The following PLEKHA1 variants were observed in gnomAD, a reference collection of about 807,000 sequenced individuals.
The protein encoded by PLEKHA1 is pleckstrin homology domain-containing family A member 1.
PLEKHA1 carries 34 observed loss-of-function variants against 52.0 expected under a neutral mutation model. The ratio of observed to expected loss-of-function variants is 0.65; its 90% CI spans 0.50 to 0.87. The LOEUF is 0.87. Among genes scored for constraint, PLEKHA1 ranks in the 40% least tolerant of loss-of-function variants. The pLI is 0.00. For missense variants in PLEKHA1, 497 were observed against 504.2 expected (o/e 0.99, Z 0.14); for synonymous variants, 163 against 170.7 (o/e 0.95, Z 0.35).
At chr10:122,437,969 A>T in the PLEKHA1 span, 1 of 152,246 alleles carries the variant, frequency 6.6e-6, no homozygotes, top group East Asian at 1.9e-4. Flanking sequence ...TTCTTAAGAC[A>T]GTGGCTTGGC....
chr10:122,415,937 A>C lies in PLEKHA1; in HGVS notation c.547A>C (p.Thr183Pro), dbSNP rs1370815793. 2.5e-6 allele frequency: 4 copies of C among 1,613,484 alleles called. No individual in the cohort carries two copies. The African/African-American group carries it at 5.3e-5, about 22-fold the overall frequency. The part of the protein sequence containing the change: ...KRSQSHLPYF[T>P]PKPPQDSAVI... ...GTCACAAAGCCATCTTCCTTACTTTACTCCTAAACCACCTCAAGATAGTGC... is the reference window on the plus strand; with the variant it reads ...GTCACAAAGCCATCTTCCTTACTTTCCTCCTAAACCACCTCAAGATAGTGC... The change falls in exon 7 of 12, where the codon ACT becomes CCT. Residue 183 changes from threonine (T) to proline (P), a missense_variant. Thr to Pro is a conservative substitution (Grantham distance 38). Transcript: ENST00000368990.
At chr10:122,404,115 G>T (rs553002412) in intron 4 of PLEKHA1, among the ~76,000 whole-genome samples, 1 of 152,292 alleles carries the variant, frequency 6.6e-6, no homozygotes, top group East Asian at 1.9e-4. Context: ...TAAGGAGGTG[G>T]AATGAGTGAC....
rs370339605 is a variant in PLEKHA1, at chr10:122,427,030, C to T, written c.899C>T (p.Ser300Phe). Residue 300 changes from serine to phenylalanine, a missense_variant and splice_region_variant, in exon 11 of 12, where the codon TCT (serine) becomes TTT (phenylalanine). By Grantham distance (155) the Ser-to-Phe change is radical (BLOSUM62 -2). Coordinates refer to ENST00000368990, the MANE Select transcript of PLEKHA1 (RefSeq NM_001001974.4). Reference protein sequence around the residue: ...AQRGPGRSASSEHPPGPSESK... With the variant: ...AQRGPGRSASFEHPPGPSESK... ...CGGGGTCCCGGCAGATCTGCGTCTT[C>T]TGTAGGTTTCCTGCTCTCTGGGGTG... The T allele has an allele frequency of 6.8e-6, 11 of 1,612,708 alleles. No homozygotes were observed. The highest frequency in any genetic ancestry group is 6.7e-5 in the African/African-American group (5 of 74,996).
At chr10:122,406,479 C>A in intron 4 of PLEKHA1, 97 bp from the exon 5 acceptor site, 1 of 885,168 alleles carries the variant, frequency 1.1e-6, no homozygotes, top group Non-Finnish European at 1.9e-6. Flanking sequence ...CCACGAGAGT[C>A]ACGGTGTTGA....
intron 11 of PLEKHA1, chr10:122,428,276 A>G (rs899330398): frequency 3.7e-5 from 57 of 1,540,298 alleles, no homozygotes; most frequent in Non-Finnish European, 4.6e-5. Flanking sequence ...TGTGTTCCAG[A>G]TGCGGCAGGC....
chr10:122,415,911 G>T lies in PLEKHA1; in HGVS notation c.521G>T (p.Arg174Leu), dbSNP rs200256740. ...AGTATTGACAGAAATAATCTGAAAC[G>T]GTCACAAAGCCATCTTCCTTACTTT... is the stretch of plus-strand genomic sequence containing the variant. ...GESIDRNNLK[R>L]SQSHLPYFTP... is the part of the protein sequence containing the mutation. The change falls in exon 7 of 12, where the codon CGG (arginine) becomes CTG (leucine). Residue 174 changes from arginine (R) to leucine (L), a missense_variant. Transcript: ENST00000368990. 13 of 1,613,006 alleles carry T rather than the reference G, an allele frequency of 8.1e-6. No individual in the cohort carries two copies. The highest frequency in any genetic ancestry group is 1.1e-5 in the Non-Finnish European group (13 of 1,179,388).
rs780423831 is a variant in PLEKHA1, at chr10:122,429,840, C to G, written c.1117C>G (p.Gln373Glu). The G allele has an allele frequency of 1.2e-6, 2 of 1,613,942 alleles. No individual in the cohort carries two copies. Among genetic ancestry groups the G allele is most frequent in the Non-Finnish European group, 1.7e-6 (2 of 1,180,040 alleles). The change falls in exon 12 of 12, where the codon CAA becomes GAA. Residue 373 changes from glutamine to glutamate, a missense_variant. Coordinates refer to ENST00000368990, the MANE Select transcript of PLEKHA1 (RefSeq NM_001001974.4). ...PREPASKVTE[Q>E]ALLRPQSKNG... Reference sequence around the variant, plus strand: ...AGAACCAGCTTCCAAAGTGACTGAACAAGCTCTGTTAAGACCTCAAAGTAA... The same window carrying G: ...AGAACCAGCTTCCAAAGTGACTGAAGAAGCTCTGTTAAGACCTCAAAGTAA...
rs527852904 is a variant in PLEKHA1 at position 122,393,682 on chromosome 10, T to C, written c.141+341T>C. Among the ~76,000 whole-genome samples the C allele has an allele frequency of 3.7e-4, 56 of 152,338 alleles. No homozygotes were observed. In the South Asian group the frequency reaches 0.011, roughly 30 times the overall value. On this transcript the variant is annotated intron_variant, in intron 2 of 11. Coordinates refer to ENST00000368990, the MANE Select transcript of PLEKHA1 (RefSeq NM_001001974.4). The surrounding 1 kb of genome is among the most constrained non-coding windows in gnomAD (Gnocchi z 4.5). ...GTCCCAAAAATAAGAAATACTTTTT[T>C]TGTAACATGTATTTCAAACAACAGC... is the stretch of plus-strand genomic sequence containing the variant.
At chr10:122,421,974 G>A (rs1381675329) in intron 8 of PLEKHA1, 5 of 152,090 alleles carry the variant, frequency 3.3e-5, no homozygotes, top group Non-Finnish European at 5.9e-5. Context: ...CTCAGAAAGT[G>A]AAGTTGTGCC....
At chr10:122,396,111 A>G (rs2096846278) in intron 2 of PLEKHA1, among the ~76,000 whole-genome samples, 2 of 152,068 alleles carry the variant, frequency 1.3e-5, no homozygotes, top group South Asian at 2.1e-4. Context: ...AAATTTCCCC[A>G]TAGTGTACTA....
At chr10:122,412,592 A>G (rs7079976) in intron 5 of PLEKHA1, 111,743 of 229,660 alleles carry the variant, frequency 0.49, 28,132 homozygotes, top group East Asian at 0.62. Context: ...ATCTGAATCT[A>G]TATTCCCTAA....
intron 6 of PLEKHA1, among the ~76,000 whole-genome samples, chr10:122,413,390 T>A (rs2097132758): frequency 6.6e-6 from 1 of 152,050 alleles, no homozygotes; most frequent in South Asian, 2.1e-4. Flanking sequence ...GCATAGTAGT[T>A]CTTCCATGGA....
rs187015051 is a variant in PLEKHA1 at position 122,424,047 on chromosome 10, G to A, written c.682-152G>A. ...TAGTGTTTGAGCTATTCAGATGCTG[G>A]ATGGTTTAAGAAGGTAGATTTATTT... On this transcript the variant is annotated intron_variant, in intron 8 of 11. Coordinates refer to ENST00000368990, the MANE Select transcript of PLEKHA1 (RefSeq NM_001001974.4). The A allele has an allele frequency of 1.2e-5, 12 of 1,014,146 alleles. No homozygotes were observed. The African/African-American group carries it at 1.8e-4, about 16-fold the overall frequency. 62.8% of individuals were successfully genotyped at this position (1,014,146 alleles called of 1,614,324 possible).
chr10:122,429,578 T>G, intron 11 of PLEKHA1, 46 bp from the exon 12 acceptor site: 1 of 1,556,890 alleles, frequency 6.4e-7, no homozygotes. Flanking sequence ...GTTACTAACC[T>G]GGTCATGAGT....
intron 5 of PLEKHA1, among the ~76,000 whole-genome samples, chr10:122,411,425 G>T (rs914977617): frequency 2.6e-5 from 4 of 152,184 alleles, no homozygotes; most frequent in Non-Finnish European, 5.9e-5. Flanking sequence ...TCAATATTTT[G>T]CAGAAAGCTG....
At chr10:122,417,248 G>A (rs922734102) in intron 7 of PLEKHA1, among the ~76,000 whole-genome samples, 1 of 151,880 alleles carries the variant, frequency 6.6e-6, no homozygotes, top group Admixed American at 6.6e-5. Flanking sequence ...GAAACTTGAT[G>A]TGGTTTAATA....
intron 5 of PLEKHA1, among the ~76,000 whole-genome samples, chr10:122,407,034 T>C (rs1388631239): frequency 6.6e-6 from 1 of 152,176 alleles, no homozygotes; most frequent in Non-Finnish European, 1.5e-5. Flanking sequence ...ACCTGGGGAA[T>C]AGGCACTTCT....
chr10:122,377,792 G>T, intron 1 of PLEKHA1, among the ~76,000 whole-genome samples: 1 of 152,250 alleles, frequency 6.6e-6, no homozygotes, highest in African/African-American at 2.4e-5. Flanking sequence ...AGATGCTTAA[G>T]CAAACATATG....
chr10:122,428,159 T>G, intron 11 of PLEKHA1: 1 of 973,926 alleles, frequency 1.0e-6, no homozygotes, highest in Non-Finnish European at 1.3e-6. Flanking sequence ...TTGTGTTTTG[T>G]GCTTTGTGGT....
Sources: gnomAD v4.1 joint callset for allele counts (sites outside exome capture counted in the v4.1 genomes callset) on GRCh38, gnomAD v4.1.1 for gene constraint, Gnocchi (gnomAD v3.1) non-coding constraint, MANE v1.5 for transcripts, NCBI Gene and HGNC (gene_info 2026-07-23, HGNC 2026-07-21) for gene names.